PPARGC1A: variants seen among roughly 807,000 people sequenced by gnomAD.
PPARGC1A encodes the protein peroxisome proliferator-activated receptor gamma coactivator 1-alpha.
A neutral mutation model predicts 88.7 loss-of-function variants in PPARGC1A; 25 were observed. The ratio of observed to expected loss-of-function variants is 0.28; its 90% CI spans 0.21 to 0.39. The LOEUF (loss-of-function observed/expected upper bound fraction) is 0.39. Ranked by LOEUF, PPARGC1A falls within the 10% of genes least tolerant of loss-of-function variation. The pLI, the probability that PPARGC1A is intolerant of heterozygous loss-of-function variation, is 1.00. For missense variants in PPARGC1A, 880 were observed against 968.7 expected (o/e 0.91, Z 1.22); for synonymous variants, 363 against 355.6 (o/e 1.02, Z -0.24).
the PPARGC1A span, among the ~76,000 whole-genome samples, chr4:24,136,938 A>AC: frequency 6.6e-6 from 1 of 151,870 alleles, no homozygotes; most frequent in Non-Finnish European, 1.5e-5. Flanking sequence ...ACATGGTGAA[A>AC]CCCCGTCTCT....
the PPARGC1A span, among the ~76,000 whole-genome samples, chr4:24,021,647 G>A: frequency 6.6e-6 from 1 of 152,162 alleles, no homozygotes; most frequent in Non-Finnish European, 1.5e-5. Context: ...TACAAGCTAG[G>A]TTATCTTGGG....
rs567267075 is a variant in PPARGC1A at position 23,806,748 on chromosome 4, T to G, written c.2020-4403A>C. Among the ~76,000 whole-genome samples, 13 of 152,304 alleles carry G rather than the reference T, an allele frequency of 8.5e-5. No individual in the cohort carries two copies. In the South Asian group the frequency reaches 2.3e-3, roughly 27 times the overall value. ...ACTGACTGAATTAACTGACTTCACA[T>G]TACTAAAATCTTTATCAAAAAGAGT... is the stretch of plus-strand genomic sequence containing the variant. On this transcript the variant is annotated intron_variant, in intron 10 of 12. Coordinates refer to ENST00000264867, the MANE Select transcript of PPARGC1A (RefSeq NM_013261.5).
At chr4:24,103,396 C>T in the PPARGC1A span, among the ~76,000 whole-genome samples, 727 of 151,182 alleles carry the variant, frequency 4.8e-3, 5 homozygotes, top group South Asian at 0.017. Flanking sequence ...AGAGATCCAC[C>T]CAAAACGAAT....
the PPARGC1A span, among the ~76,000 whole-genome samples, chr4:24,339,632 G>A: frequency 2.0e-5 from 3 of 152,200 alleles, no homozygotes; most frequent in Admixed American, 6.5e-5. Flanking sequence ...GCTGTAAAAT[G>A]TGTGCTTTCA....
the PPARGC1A span, among the ~76,000 whole-genome samples, chr4:23,996,303 A>G: frequency 6.6e-6 from 1 of 152,206 alleles, no homozygotes; most frequent in Non-Finnish European, 1.5e-5. Flanking sequence ...CATGATCCCA[A>G]TTCAGGTATG....
At chr4:24,419,221 A>G in the PPARGC1A span, among the ~76,000 whole-genome samples, 1 of 151,768 alleles carries the variant, frequency 6.6e-6, no homozygotes, top group African/African-American at 2.4e-5. Flanking sequence ...AACACCAAAG[A>G]AAAAGGCACA....
chr4:24,424,233 A>G, the PPARGC1A span, among the ~76,000 whole-genome samples: 1 of 130,772 alleles, frequency 7.6e-6, no homozygotes, highest in East Asian at 2.3e-4. Flanking sequence ...AAAAAATTGT[A>G]TGAAAGAGCA....
the PPARGC1A span, among the ~76,000 whole-genome samples, chr4:24,317,409 A>C: frequency 6.6e-6 from 1 of 151,854 alleles, no homozygotes; most frequent in African/African-American, 2.4e-5. Flanking sequence ...TCCATGATAG[A>C]CATTTGTACA....
At chr4:23,834,224 C>CG (rs1005777007) in intron 2 of PPARGC1A, among the ~76,000 whole-genome samples, 41 of 152,024 alleles carry the variant, frequency 2.7e-4, no homozygotes, top group African/African-American at 9.9e-4. Context: ...GGTGTGAACC[C>CG]GGGGGGTGGA....
At chr4:24,312,077 T>A in the PPARGC1A span, among the ~76,000 whole-genome samples, 1 of 152,214 alleles carries the variant, frequency 6.6e-6, no homozygotes, top group Non-Finnish European at 1.5e-5. Flanking sequence ...CACCTATACG[T>A]GTATCTCTAT....
At chr4:24,370,080 C>T in the PPARGC1A span, among the ~76,000 whole-genome samples, 1 of 152,210 alleles carries the variant, frequency 6.6e-6, no homozygotes, top group South Asian at 2.1e-4. Flanking sequence ...AAGCTTCAGG[C>T]TCACAGCCTT....
chr4:24,128,590 C>T, the PPARGC1A span, among the ~76,000 whole-genome samples: 3 of 141,150 alleles, frequency 2.1e-5, no homozygotes, highest in African/African-American at 8.1e-5. Flanking sequence ...GCACGCGCAT[C>T]TGTGTACAAT....
the PPARGC1A span, among the ~76,000 whole-genome samples, chr4:23,989,631 C>T: frequency 6.6e-6 from 1 of 152,002 alleles, no homozygotes; most frequent in South Asian, 2.1e-4. Flanking sequence ...CTTTTCATCA[C>T]TTTACCACTG....
the PPARGC1A span, among the ~76,000 whole-genome samples, chr4:24,377,331 C>G: frequency 6.6e-6 from 1 of 151,634 alleles, no homozygotes; most frequent in Non-Finnish European, 1.5e-5. Context: ...AAGGAGGTGC[C>G]CAGAAATAGG....
chr4:24,408,244 G>A, the PPARGC1A span, among the ~76,000 whole-genome samples: 36 of 150,078 alleles, frequency 2.4e-4, 1 homozygote, highest in South Asian at 6.3e-4. Flanking sequence ...GCTTCAACAC[G>A]TAGATTTCAA....
chr4:23,940,740 G>GAACT, the PPARGC1A span, among the ~76,000 whole-genome samples: 78 of 152,096 alleles, frequency 5.1e-4, no homozygotes, highest in South Asian at 2.5e-3. Context: ...TTGTTCTCTG[G>GAACT]GCTTTCTGAC....
Position 23,867,524 on chromosome 4 carries a change from C to G in PPARGC1A, c.234+17228G>C, listed in dbSNP as rs527274175. Among the ~76,000 whole-genome samples, 394 of 152,296 alleles carry G rather than the reference C, an allele frequency of 2.6e-3. 6 individuals carry two copies. The highest frequency in any genetic ancestry group is 8.9e-3 in the African/African-American group (369 of 41,552). ...ACTGTCCCGTCTAAAAAAGATAACT[C>G]ACCAGCTTTTGCTAAAATAGCAGTG... On this transcript the variant is annotated intron_variant, in intron 2 of 12. Transcript: ENST00000264867.
chr4:24,012,625 C>T, the PPARGC1A span, among the ~76,000 whole-genome samples: 4 of 152,072 alleles, frequency 2.6e-5, no homozygotes, highest in Non-Finnish European at 4.4e-5. Context: ...TCATCAGCCT[C>T]CTAAGCCCTT....
At chr4:24,403,113 A>T in the PPARGC1A span, among the ~76,000 whole-genome samples, 1 of 152,226 alleles carries the variant, frequency 6.6e-6, no homozygotes, top group Non-Finnish European at 1.5e-5. Flanking sequence ...TGAGTGCTAC[A>T]GCGGGATTCA....
Sources: allele counts gnomAD v4.1 joint callset (sites outside exome capture counted in the v4.1 genomes callset), GRCh38; gene constraint gnomAD v4.1.1; transcripts MANE v1.5; gene names NCBI Gene and HGNC (gene_info 2026-07-23, HGNC 2026-07-21).